DNM2: variants seen among roughly 807,000 people sequenced by gnomAD.
DNM2 encodes the protein dynamin-2.
Under a neutral mutation model 99.0 loss-of-function variants are expected in DNM2, and 15 were observed. The ratio of observed to expected loss-of-function variants is 0.15; its 90% CI spans 0.10 to 0.23. The LOEUF (loss-of-function observed/expected upper bound fraction) is 0.23. Among genes scored for constraint, DNM2 ranks in the 10% least tolerant of loss-of-function variants. The probability of loss-of-function intolerance (pLI) is 1.00; values close to 1 mark genes in which losing one functional copy is unlikely to be tolerated. For missense variants in DNM2, 742 were observed against 1,189.4 expected (o/e 0.62, Z 5.53); for synonymous variants, 525 against 481.2 (o/e 1.09, Z -1.19).
intron 13 of DNM2, among the ~76,000 whole-genome samples, chr19:10,808,090 C>T (rs2072415070): frequency 6.6e-6 from 1 of 151,586 alleles, no homozygotes; most frequent in Non-Finnish European, 1.5e-5. Flanking sequence ...TTGTGGTGAG[C>T]CAGGATCACA....
intron 1 of DNM2, among the ~76,000 whole-genome samples, chr19:10,735,956 A>C (rs1754567891): frequency 6.6e-6 from 1 of 152,082 alleles, no homozygotes; most frequent in Non-Finnish European, 1.5e-5. Flanking sequence ...CCAAAACCAC[A>C]TATCTTTCTT....
rs1383677886 is a variant in DNM2 at position 10,772,654 on chromosome 19, CACTG to C, written c.385+29_385+32del. The stretch of plus-strand genomic sequence containing the variant: ...GTAGGCAGCACGGGTGGGGACCCAT[CACTG>C]ACCGTTTCTGGTCGTTCATGGACAG... On this transcript the variant is annotated intron_variant, in intron 3 of 20. Transcript: ENST00000389253. This position sits in a 1 kb window ranked among gnomAD's most constrained non-coding sequence, Gnocchi z 4.9. The C allele has an allele frequency of 6.2e-7, 1 of 1,613,750 alleles. No homozygotes were observed. The highest frequency in any genetic ancestry group is 2.2e-5 in the East Asian group (1 of 44,880).
intron 16 of DNM2, among the ~76,000 whole-genome samples, chr19:10,821,687 A>G (rs967662714): frequency 1.3e-5 from 2 of 152,110 alleles, no homozygotes; most frequent in African/African-American, 4.8e-5. Flanking sequence ...ATGCACCACC[A>G]CGCCTGGCTA....
At chr19:10,723,847 T>A (rs1002365075) in intron 1 of DNM2, among the ~76,000 whole-genome samples, 1 of 152,110 alleles carries the variant, frequency 6.6e-6, no homozygotes, top group Non-Finnish European at 1.5e-5. Context: ...CAATCTCAGC[T>A]CTTTGGGATC....
chr19:10,795,969 G>T lies in DNM2; in HGVS notation c.1196+530G>T, dbSNP rs1398997309. On this transcript the variant is annotated intron_variant, in intron 9 of 20. Coordinates refer to ENST00000389253, the MANE Select transcript of DNM2 (RefSeq NM_001005361.3). The surrounding 1 kb of genome is among the most constrained non-coding windows in gnomAD (Gnocchi z 4.2). Reference sequence around the variant, plus strand: ...ACACATGACACAACCTTCATTCCTTGTTGGGGACCCGGCCAGGGCCAATGA... The same window carrying T: ...ACACATGACACAACCTTCATTCCTTTTTGGGGACCCGGCCAGGGCCAATGA... The T allele has an allele frequency of 1.9e-6, 3 of 1,598,478 alleles. No individual in the cohort carries two copies. In the African/African-American group the frequency reaches 4.0e-5, roughly 21 times the overall value.
chr19:10,724,238 C>T (rs972336751), intron 1 of DNM2, among the ~76,000 whole-genome samples: 10 of 152,106 alleles, frequency 6.6e-5, no homozygotes, highest in African/African-American at 2.4e-4. Flanking sequence ...AGTGCAGTCA[C>T]GCGATCTCGG....
Position 10,800,134 on chromosome 19 carries a change from G to A in DNM2, c.1422+1562G>A, listed in dbSNP as rs373057936. Among the ~76,000 whole-genome samples the A allele has an allele frequency of 1.2e-3, 176 of 152,380 alleles. 1 individual carries two copies. The highest frequency in any genetic ancestry group is 4.1e-3 in the African/African-American group (171 of 41,600). On this transcript the variant is annotated intron_variant, in intron 11 of 20. Transcript: ENST00000389253. ...AGCCTCCCAAAGTGCTGGGATGACA[G>A]GTGTGAGCCACTGCTCCCAGATCTG... is the stretch of plus-strand genomic sequence containing the variant.
At position 10,831,726 on chromosome 19, in the gene DNM2, G is replaced by A; in HGVS notation, c.*679G>A. ...TGGCTGGGCTTGGGCTATGTGGGTG[G>A]TGGTGGCGGGGGGTCTTGGGGGCCT... On this transcript the variant is annotated 3_prime_UTR_variant, in exon 21 of 21. Coordinates refer to ENST00000389253, the MANE Select transcript of DNM2 (RefSeq NM_001005361.3). The surrounding 1 kb of genome is among the most constrained non-coding windows in gnomAD (Gnocchi z 4.3). 12 of 986,452 alleles carry A rather than the reference G, an allele frequency of 1.2e-5. No individual in the cohort carries two copies. Among genetic ancestry groups the A allele is most frequent in the Non-Finnish European group, 1.4e-5 (12 of 830,484 alleles). 61.1% of individuals were successfully genotyped at this position (986,452 alleles called of 1,614,324 possible).
At chr19:10,806,766 G>C (rs12463055) in intron 13 of DNM2, among the ~76,000 whole-genome samples, 44,462 of 151,992 alleles carry the variant, frequency 0.29, 6,738 homozygotes, top group East Asian at 0.57. Context: ...GCACTCCAGT[G>C]TGGGTGACAG....
At chr19:10,826,508 T>A (rs117076509) in intron 18 of DNM2, among the ~76,000 whole-genome samples, 1 of 152,208 alleles carries the variant, frequency 6.6e-6, no homozygotes, top group African/African-American at 2.4e-5. Context: ...GTACTGATAG[T>A]ATCTCCAGCT....
chr19:10,797,589 C>T (rs999143685), intron 10 of DNM2, 71 bp downstream of exon 10: 14 of 1,610,420 alleles, frequency 8.7e-6, no homozygotes, highest in Non-Finnish European at 1.0e-5. Context: ...TCAACCCGAG[C>T]ATCTGGAAAA....
chr19:10,831,726 G>C lies in DNM2; in HGVS notation c.*679G>C. 1 of 986,452 alleles carries C rather than the reference G, an allele frequency of 1.0e-6. No homozygotes were observed. The highest frequency in any genetic ancestry group is 1.2e-6 in the Non-Finnish European group (1 of 830,484). The allele number at this position is 986,452 out of a possible 1,614,324, so 61.1% of individuals were successfully genotyped here. A position where few individuals can be genotyped will look rare whatever the true frequency, so the allele number is the denominator to read the frequency against. On this transcript the variant is annotated 3_prime_UTR_variant, in exon 21 of 21. Coordinates refer to ENST00000389253, the MANE Select transcript of DNM2 (RefSeq NM_001005361.3). The surrounding 1 kb of genome is among the most constrained non-coding windows in gnomAD (Gnocchi z 4.3). ...TGGCTGGGCTTGGGCTATGTGGGTG[G>C]TGGTGGCGGGGGGTCTTGGGGGCCT...
intron 1 of DNM2, chr19:10,759,517 A>C (rs2070544392): frequency 1.6e-6 from 1 of 607,784 alleles, no homozygotes; most frequent in Non-Finnish European, 3.0e-6. Context: ...TGCCAGAGGG[A>C]AATGGTTCTG....
At position 10,823,162 on chromosome 19, in the gene DNM2, T is replaced by G. The variant is rs2073034761; in HGVS notation, c.1782-626T>G. The G allele has an allele frequency of 2.6e-5, 4 of 151,782 alleles. No homozygotes were observed. The South Asian group carries it at 6.2e-4, about 24-fold the overall frequency. 9.4% of individuals were successfully genotyped at this position (151,782 alleles called of 1,614,324 possible). A position where few individuals can be genotyped will look rare whatever the true frequency, so the allele number is the denominator to read the frequency against. On this transcript the variant is annotated intron_variant, in intron 16 of 20. Coordinates refer to ENST00000389253, the MANE Select transcript of DNM2 (RefSeq NM_001005361.3). ...GCTCACACCTGTAATCTCAGAACTT[T>G]GGGAAGCCGAGGTGGGCGGATCAGC... is the stretch of plus-strand genomic sequence containing the variant.
At chr19:10,725,314 C>T (rs1304651107) in intron 1 of DNM2, among the ~76,000 whole-genome samples, 1 of 151,946 alleles carries the variant, frequency 6.6e-6, no homozygotes, top group Non-Finnish European at 1.5e-5. Flanking sequence ...GGTGTGGTGG[C>T]GCATGCCTTT....
intron 1 of DNM2, among the ~76,000 whole-genome samples, chr19:10,753,457 C>T (rs1417490084): frequency 7.5e-6 from 1 of 133,406 alleles, no homozygotes; most frequent in Non-Finnish European, 1.5e-5. Flanking sequence ...CCTTTTCCTT[C>T]TCTTCTTCCT....
intron 1 of DNM2, among the ~76,000 whole-genome samples, chr19:10,740,485 C>T (rs1008736121): frequency 1.4e-4 from 21 of 152,062 alleles, no homozygotes; most frequent in South Asian, 4.1e-4. Context: ...ACGCCATCCT[C>T]GTGCCTCAGC....
At chr19:10,790,473 T>C (rs564573418) in intron 7 of DNM2, among the ~76,000 whole-genome samples, 3 of 152,238 alleles carry the variant, frequency 2.0e-5, no homozygotes, top group East Asian at 3.9e-4. Flanking sequence ...ATTTGGTGGT[T>C]TTTTTTGTTT....
chr19:10,753,903 C>T (rs561925655), intron 1 of DNM2, among the ~76,000 whole-genome samples: 12 of 152,248 alleles, frequency 7.9e-5, no homozygotes, highest in African/African-American at 2.4e-4. Flanking sequence ...ACGATCCACC[C>T]ACCTCGGCCT....
Sources: allele counts gnomAD v4.1 joint callset (sites outside exome capture counted in the v4.1 genomes callset), GRCh38; gene constraint gnomAD v4.1.1; non-coding constraint Gnocchi (gnomAD v3.1); transcripts MANE v1.5; gene names NCBI Gene and HGNC (gene_info 2026-07-23, HGNC 2026-07-21).